Variants in KRABD3 observed in about 807,000 individuals in gnomAD.
KRABD3 encodes the protein KRAB domain containing 3.
At chr7:149,726,119 C>T in the KRABD3 span, 55 of 1,477,332 alleles carry the variant, frequency 3.7e-5, no homozygotes, top group Non-Finnish European at 5.5e-6. Context: ...AGGCCCCTTG[C>T]CCAGTCCCTC....
the KRABD3 span, chr7:149,719,759 T>G: frequency 6.9e-7 from 1 of 1,452,276 alleles, no homozygotes; most frequent in Non-Finnish European, 9.3e-7. This position sits in a 1 kb window ranked among gnomAD's most constrained non-coding sequence, Gnocchi z 5.6. Context: ...GCAGCCTTAG[T>G]CTTTCCACCT....
chr7:149,727,645 G>T, the KRABD3 span, among the ~76,000 whole-genome samples: 3 of 152,212 alleles, frequency 2.0e-5, no homozygotes, highest in East Asian at 5.8e-4. Flanking sequence ...CTTTTGGACA[G>T]CAGCGTGGTA....
chr7:149,715,319 T>C, the KRABD3 span: 4 of 1,214,650 alleles, frequency 3.3e-6, no homozygotes, highest in Non-Finnish European at 4.1e-6. Context: ...CAAGTTATCC[T>C]GGTAGAGTGG....
At chr7:149,719,417 C>A in the KRABD3 span, 1 of 949,326 alleles carries the variant, frequency 1.1e-6, no homozygotes, top group Non-Finnish European at 1.5e-6. This position sits in a 1 kb window ranked among gnomAD's most constrained non-coding sequence, Gnocchi z 5.6. Flanking sequence ...GGGATTCCTG[C>A]ATGTCAGACC....
At chr7:149,733,363 G>T in the KRABD3 span, 1 of 1,611,912 alleles carries the variant, frequency 6.2e-7, no homozygotes, top group Non-Finnish European at 8.5e-7. Flanking sequence ...AGCAGGAGCT[G>T]CACAGCCTCG....
chr7:149,718,671 A>G, the KRABD3 span, among the ~76,000 whole-genome samples: 3 of 151,232 alleles, frequency 2.0e-5, no homozygotes, highest in Non-Finnish European at 2.9e-5. Context: ...GGCGCCCACC[A>G]CCACACCTAA....
the KRABD3 span, chr7:149,720,718 G>T: frequency 9.2e-7 from 1 of 1,082,900 alleles, no homozygotes; most frequent in Non-Finnish European, 1.3e-6. Context: ...GTCTCCTCTG[G>T]CTGCTCCTCA....
At chr7:149,721,278 C>A in the KRABD3 span, 4 of 1,385,930 alleles carry the variant, frequency 2.9e-6, no homozygotes, top group Non-Finnish European at 3.9e-6. Flanking sequence ...GGCTGACATC[C>A]TGGTCATTGT....
the KRABD3 span, chr7:149,722,580 G>A: frequency 3.1e-6 from 5 of 1,600,100 alleles, no homozygotes; most frequent in Non-Finnish European, 4.3e-6. Flanking sequence ...CCTTAGTGGG[G>A]TAGCGATGGG....
chr7:149,716,914 T>G, the KRABD3 span, among the ~76,000 whole-genome samples: 1 of 152,224 alleles, frequency 6.6e-6, no homozygotes, highest in Non-Finnish European at 1.5e-5. Flanking sequence ...TAGGTTGTTA[T>G]GATCCCAGTA....
the KRABD3 span, chr7:149,729,251 G>A: frequency 4.7e-5 from 76 of 1,602,770 alleles, no homozygotes; most frequent in African/African-American, 6.7e-5. Context: ...GCGCCCACCC[G>A]GAGCCTCCAT....
At chr7:149,717,059 G>A in the KRABD3 span, among the ~76,000 whole-genome samples, 17 of 152,272 alleles carry the variant, frequency 1.1e-4, no homozygotes, top group South Asian at 2.1e-4. Flanking sequence ...GCTCTGCCCC[G>A]GTCTCTGGGT....
the KRABD3 span, chr7:149,722,081 G>A: frequency 5.6e-5 from 23 of 412,302 alleles, no homozygotes; most frequent in African/African-American, 3.7e-4. Flanking sequence ...TTCAGGGGTC[G>A]TCGGGCACAC....
the KRABD3 span, chr7:149,733,479 C>A: frequency 6.3e-7 from 1 of 1,580,854 alleles, no homozygotes; most frequent in East Asian, 2.3e-5. Flanking sequence ...GGGAGGCGCC[C>A]CCAAGGCCCT....
At chr7:149,722,381 A>G in the KRABD3 span, 3 of 1,574,852 alleles carry the variant, frequency 1.9e-6, no homozygotes, top group African/African-American at 1.3e-5. Context: ...CAGAGTCTGG[A>G]GCTGGGGCTA....
the KRABD3 span, chr7:149,725,563 G>T: frequency 7.1e-7 from 1 of 1,408,262 alleles, no homozygotes; most frequent in Non-Finnish European, 9.5e-7. Context: ...GGACTGTCGG[G>T]TCATTGTGTT....
At chr7:149,730,742 G>A in the KRABD3 span, 1 of 819,114 alleles carries the variant, frequency 1.2e-6, no homozygotes, top group Non-Finnish European at 1.9e-6. Flanking sequence ...GGAGGGCGGG[G>A]CTGCTGGGGG....
chr7:149,726,208 T>C, the KRABD3 span: 1 of 709,538 alleles, frequency 1.4e-6, no homozygotes, highest in Non-Finnish European at 2.3e-6. Context: ...ATGCGGGACT[T>C]ATCTTGGGTG....
At chr7:149,721,421 A>T in the KRABD3 span, 1 of 1,611,822 alleles carries the variant, frequency 6.2e-7, no homozygotes, top group Non-Finnish European at 8.5e-7. Context: ...AGGCCTGCTC[A>T]GCTGCCTTCC....
Sources: gnomAD v4.1 joint callset for allele counts (sites outside exome capture counted in the v4.1 genomes callset) on GRCh38, gnomAD v4.1.1 for gene constraint, Gnocchi (gnomAD v3.1) non-coding constraint, MANE v1.5 for transcripts, NCBI Gene and HGNC (gene_info 2026-07-23, HGNC 2026-07-21) for gene names.